Variants in APBA2 observed in about 807,000 individuals in gnomAD.
APBA2 encodes the protein amyloid beta precursor protein binding family A member 2.
A neutral mutation model predicts 75.0 loss-of-function variants in APBA2; 30 were observed. The ratio of observed to expected loss-of-function variants is 0.40; its 90% confidence interval spans 0.30 to 0.54. The LOEUF is 0.54. Among genes scored for constraint, APBA2 ranks in the 20% least tolerant of loss-of-function variants. The pLI is 0.49. For synonymous variants in APBA2, 444 were observed against 409.6 expected, an observed-to-expected ratio of 1.08 and a Z score of -1.01; for missense variants, 801 against 1,016.1, an observed-to-expected ratio of 0.79 and a Z score of 2.88.
At chr15:28,958,816 C>CT (rs370050186) in intron 2 of APBA2, among the ~76,000 whole-genome samples, 4,947 of 148,118 alleles carry the variant, frequency 0.033, 291 homozygotes, top group African/African-American at 0.11. Flanking sequence ...TTATTCCCAA[C>CT]TTTTTTTTTT....
At chr15:28,905,161 G>T (rs1289124748) in intron 1 of APBA2, among the ~76,000 whole-genome samples, 1 of 152,142 alleles carries the variant, frequency 6.6e-6, no homozygotes, top group East Asian at 1.9e-4. Context: ...GCTGTTGGTT[G>T]CCCTAGGAAT....
rs111870710 is a variant in APBA2, at chr15:29,054,502, C to A, written c.618C>A (p.Gly206=). 5 of 1,613,600 alleles carry A rather than the reference C, an allele frequency of 3.1e-6. No homozygotes were observed. The highest frequency in any genetic ancestry group is 1.7e-6 in the Non-Finnish European group (2 of 1,179,798). Residue 206 remains glycine (G), a synonymous_variant, in exon 4 of 15, where the codon GGC becomes GGA. Coordinates refer to ENST00000683413, the MANE Select transcript of APBA2 (RefSeq NM_001353788.2). This position sits in a 1 kb window ranked among gnomAD's most constrained non-coding sequence, Gnocchi z 6.1. ...CCGAGGAGGCCAACGGGAACACCGG[C>A]GCCTCCCCCTACCGCCTGAGGCGTG... ...YYPEEANGNT[G]ASPYRLRRGD...
In APBA2 at chr15:28,923,600, G is replaced by A. The variant is rs150185256; in HGVS notation, c.-95+1851G>A. Among the ~76,000 whole-genome samples the A allele has an allele frequency of 1.3e-3, 194 of 152,062 alleles. 3 individuals carry two copies. The South Asian group carries it at 0.031, about 24-fold the overall frequency. On this transcript the variant is annotated intron_variant, in intron 2 of 14. Coordinates refer to ENST00000683413, the MANE Select transcript of APBA2 (RefSeq NM_001353788.2). ...GTGGGGTGGGGGGAGGGGCCTCAGC[G>A]CTCAGCAGACAGGTGCTCACTGGTG... is the stretch of plus-strand genomic sequence containing the variant.
chr15:29,065,228 A>G lies in APBA2; in HGVS notation c.952-9693A>G, dbSNP rs1050784011. On this transcript the variant is annotated intron_variant, in intron 4 of 14. Transcript: ENST00000683413. ...GCCTCTCTTGCACCAGAGGCTTGAG[A>G]GACACCCAGTTGGCAAAATCAGTTA... 1.1e-4 allele frequency among the ~76,000 whole-genome samples: 16 copies of G among 152,080 alleles called. 1 individual carries two copies. The highest frequency in any genetic ancestry group is 3.9e-4 in the African/African-American group (16 of 41,418).
chr15:28,922,698 T>A (rs2034038869), intron 2 of APBA2, among the ~76,000 whole-genome samples: 1 of 152,140 alleles, frequency 6.6e-6, no homozygotes, highest in Admixed American at 6.5e-5. Flanking sequence ...ACCCAGACCC[T>A]GTTCCCAGGA....
intron 2 of APBA2, among the ~76,000 whole-genome samples, chr15:28,947,542 G>T (rs1283255119): frequency 6.6e-6 from 1 of 152,190 alleles, no homozygotes; most frequent in African/African-American, 2.4e-5. Context: ...GCTGTGCTCA[G>T]GCCTGGCTTC....
intron 3 of APBA2, among the ~76,000 whole-genome samples, chr15:29,043,639 C>G (rs553004990): frequency 2.6e-5 from 4 of 152,132 alleles, no homozygotes; most frequent in African/African-American, 9.6e-5. Flanking sequence ...ACATGCTAAG[C>G]CTTTTGTAAA....
At chr15:29,026,852 C>T (rs746274767) in intron 3 of APBA2, among the ~76,000 whole-genome samples, 43 of 152,088 alleles carry the variant, frequency 2.8e-4, no homozygotes, top group Non-Finnish European at 5.4e-4. Context: ...AGCCAGGAGG[C>T]GGAGCTTGCA....
At chr15:28,916,190 G>A (rs1264072758) in intron 1 of APBA2, among the ~76,000 whole-genome samples, 1 of 152,180 alleles carries the variant, frequency 6.6e-6, no homozygotes, top group Non-Finnish European at 1.5e-5. Flanking sequence ...CTTACGTCCT[G>A]GTCTTGTGGG....
At chr15:28,887,087 C>T (rs1366178979) in intron 1 of APBA2, among the ~76,000 whole-genome samples, 1 of 152,242 alleles carries the variant, frequency 6.6e-6, no homozygotes, top group African/African-American at 2.4e-5. Context: ...TTAGAGGGGC[C>T]TGCTAGTCTT....
At chr15:28,889,091 G>A (rs982164247) in intron 1 of APBA2, among the ~76,000 whole-genome samples, 14 of 152,180 alleles carry the variant, frequency 9.2e-5, no homozygotes, top group African/African-American at 3.1e-4. Flanking sequence ...TGGCTCCTTC[G>A]TTTCCCAGAG....
chr15:28,976,165 T>C (rs924322335), intron 2 of APBA2, among the ~76,000 whole-genome samples: 2 of 152,246 alleles, frequency 1.3e-5, no homozygotes, highest in Non-Finnish European at 1.5e-5. Flanking sequence ...GGCAGCCCTC[T>C]GGAAATGACC....
intron 1 of APBA2, among the ~76,000 whole-genome samples, chr15:28,898,742 G>T (rs1256814394): frequency 6.6e-6 from 1 of 152,140 alleles, no homozygotes. Context: ...GAGTTTTCAA[G>T]GTGAAATTTG....
At chr15:29,092,758 ATGT>A (rs1474885235) in intron 6 of APBA2, among the ~76,000 whole-genome samples, 2 of 152,098 alleles carry the variant, frequency 1.3e-5, no homozygotes, top group Admixed American at 6.5e-5. Flanking sequence ...TGTGTTTGGG[ATGT>A]GACGCCTTCT....
At chr15:28,972,444 C>T (rs2152754099) in intron 2 of APBA2, among the ~76,000 whole-genome samples, 1 of 152,292 alleles carries the variant, frequency 6.6e-6, no homozygotes, top group Middle Eastern at 3.4e-3. Context: ...TCAGCAGGGC[C>T]TCCAGGCAAA....
intron 9 of APBA2, among the ~76,000 whole-genome samples, chr15:29,101,213 G>C: frequency 1.2e-5 from 1 of 84,478 alleles, no homozygotes; most frequent in East Asian, 4.1e-4. Flanking sequence ...AATAATTGGA[G>C]TGCCTTTTTT....
chr15:29,109,109 C>A, intron 13 of APBA2, among the ~76,000 whole-genome samples: 1 of 152,196 alleles, frequency 6.6e-6, no homozygotes, highest in South Asian at 2.1e-4. Context: ...TTTAAACCAG[C>A]CCTGAGTATG....
chr15:29,088,631 C>T (rs1164267995), intron 6 of APBA2, among the ~76,000 whole-genome samples: 1 of 152,342 alleles, frequency 6.6e-6, no homozygotes, highest in African/African-American at 2.4e-5. Context: ...CACTCATGTG[C>T]TGGGATGGCT....
rs761618105 is a variant in APBA2, at chr15:29,054,490, C to A, written c.606C>A (p.Asn202Lys). 3 of 1,613,834 alleles carry A rather than the reference C, an allele frequency of 1.9e-6. No individual in the cohort carries two copies. The highest frequency in any genetic ancestry group is 1.3e-5 in the African/African-American group (1 of 75,070). Reference protein sequence around the residue: ...GYQDYYPEEANGNTGASPYRL... With the variant: ...GYQDYYPEEAKGNTGASPYRL... ...AGGACTACTACCCCGAGGAGGCCAACGGGAACACCGGCGCCTCCCCCTACC... is the reference window on the plus strand; with the variant it reads ...AGGACTACTACCCCGAGGAGGCCAAAGGGAACACCGGCGCCTCCCCCTACC... The change falls in exon 4 of 15, where the codon AAC becomes AAA. Residue 202 changes from asparagine (N) to lysine (K), a missense_variant. Physicochemically the swap from Asn to Lys is moderately conservative, Grantham distance 94. Around this residue, in one of 2 missense-constraint regions of APBA2, gnomAD observed 434 missense variants for 471.6 expected, o/e 0.92. Coordinates refer to ENST00000683413, the MANE Select transcript of APBA2 (RefSeq NM_001353788.2). The surrounding 1 kb of genome is among the most constrained non-coding windows in gnomAD (Gnocchi z 6.1).
Sources: allele counts gnomAD v4.1 joint callset (sites outside exome capture counted in the v4.1 genomes callset), GRCh38; gene constraint gnomAD v4.1.1; regional missense constraint gnomAD v4.1.1; non-coding constraint Gnocchi (gnomAD v3.1); transcripts MANE v1.5; gene names NCBI Gene and HGNC (gene_info 2026-07-23, HGNC 2026-07-21).